RAB22A: variants seen among roughly 807,000 people sequenced by gnomAD.
RAB22A encodes the protein RAB22A, member RAS oncogene family, also known as ras-related protein Rab-22A.
RAB22A carries 13 observed loss-of-function variants against 30.2 expected under a neutral mutation model. That is an observed-to-expected ratio of 0.43 (90% CI 0.28 to 0.68). The LOEUF (loss-of-function observed/expected upper bound fraction) is 0.68. Ranked by LOEUF, RAB22A falls within the 30% of genes least tolerant of loss-of-function variation. The pLI, the probability that RAB22A is intolerant of heterozygous loss-of-function variation, is 0.18. For synonymous variants in RAB22A, 89 were observed against 87.2 expected (o/e 1.02, Z -0.11); for missense variants, 177 against 246.8 (o/e 0.72, Z 1.89).
chr20:58,313,990 C>T (rs1790455369), intron 2 of RAB22A, among the ~76,000 whole-genome samples: 1 of 151,936 alleles, frequency 6.6e-6, no homozygotes. Context: ...CTTCTGTCCT[C>T]GTAGACCTTA....
intron 2 of RAB22A, among the ~76,000 whole-genome samples, chr20:58,316,815 A>G (rs1355386754): frequency 1.3e-5 from 2 of 152,002 alleles, no homozygotes; most frequent in African/African-American, 4.8e-5. Context: ...TCCTCTTTCC[A>G]TGGACCTTGG....
At position 58,324,535 on chromosome 20, in the gene RAB22A, G is replaced by A. The variant is rs553934673; in HGVS notation, c.116+13413G>A. On this transcript the variant is annotated intron_variant, in intron 2 of 6. Transcript: ENST00000244040. ...TTCTAACTTCTTGAGATAGACAGTT[G>A]TCACTGATTTTCAGTCCTCCTCGGT... 5.9e-5 allele frequency among the ~76,000 whole-genome samples: 9 copies of A among 152,124 alleles called. No homozygotes were observed. In the South Asian group the frequency reaches 1.7e-3, roughly 28 times the overall value.
chr20:58,340,198 C>T (rs1015937867), intron 2 of RAB22A, among the ~76,000 whole-genome samples: 3 of 152,142 alleles, frequency 2.0e-5, no homozygotes, highest in African/African-American at 4.8e-5. Flanking sequence ...TTCCAAAAAG[C>T]GATATGACTT....
intron 2 of RAB22A, among the ~76,000 whole-genome samples, chr20:58,328,435 T>C (rs1026219386): frequency 3.3e-5 from 5 of 152,172 alleles, no homozygotes; most frequent in African/African-American, 9.6e-5. Flanking sequence ...CCTCCTGTCT[T>C]GGCCTCTCAG....
At chr20:58,358,895 CAAA>C (rs1181619167) in intron 6 of RAB22A, among the ~76,000 whole-genome samples, 7 of 92,236 alleles carry the variant, frequency 7.6e-5, no homozygotes, top group Non-Finnish European at 9.1e-5. Flanking sequence ...TAGCCTGTCT[CAAA>C]AAAAAAAAAA....
At chr20:58,325,724 C>G (rs1003749587) in intron 2 of RAB22A, among the ~76,000 whole-genome samples, 11 of 152,010 alleles carry the variant, frequency 7.2e-5, no homozygotes, top group African/African-American at 2.4e-4. Flanking sequence ...GATATAAATC[C>G]TTGGAAGTCT....
At chr20:58,324,867 A>G (rs1406022518) in intron 2 of RAB22A, among the ~76,000 whole-genome samples, 5 of 105,922 alleles carry the variant, frequency 4.7e-5, no homozygotes, top group African/African-American at 1.2e-4. Context: ...CTCCGTCTCA[A>G]AAAAAAAAAA....
At chr20:58,327,437 C>T (rs923825119) in intron 2 of RAB22A, among the ~76,000 whole-genome samples, 1 of 152,210 alleles carries the variant, frequency 6.6e-6, no homozygotes, top group Non-Finnish European at 1.5e-5. Context: ...ACTCACATGG[C>T]TGTTGGCTGG....
rs1568684400 is a variant in RAB22A, at chr20:58,362,424, C to T, written c.*2721C>T. ...TATATTTCAAAGGAATTGAGACATA[C>T]TCCCATCTATAAACATGTTTGGTTT... On this transcript the variant is annotated 3_prime_UTR_variant, in exon 7 of 7. Coordinates refer to ENST00000244040, the MANE Select transcript of RAB22A (RefSeq NM_020673.3). 6.6e-6 allele frequency: 1 copy of T among 152,184 alleles called. No homozygotes were observed. The highest frequency in any genetic ancestry group is 1.5e-5 in the Non-Finnish European group (1 of 68,024). 9.4% of individuals were successfully genotyped at this position (152,184 alleles called of 1,614,324 possible).
At chr20:58,324,900 G>C (rs1002484739) in intron 2 of RAB22A, among the ~76,000 whole-genome samples, 7 of 144,202 alleles carry the variant, frequency 4.9e-5, no homozygotes, top group Non-Finnish European at 1.1e-4. Flanking sequence ...TGTACGCCAG[G>C]CCCGGTGGCT....
intron 2 of RAB22A, among the ~76,000 whole-genome samples, chr20:58,311,539 C>G (rs889259244): frequency 1.3e-5 from 2 of 152,186 alleles, no homozygotes; most frequent in African/African-American, 4.8e-5. Context: ...CTTACACATT[C>G]CTGTACTGGT....
chr20:58,314,313 C>T (rs1393202003), intron 2 of RAB22A, among the ~76,000 whole-genome samples: 2 of 152,114 alleles, frequency 1.3e-5, no homozygotes, highest in Admixed American at 6.5e-5. Flanking sequence ...AATCTGCCTG[C>T]CTTGGCCTCC....
chr20:58,362,765 A>G lies in RAB22A; in HGVS notation c.*3062A>G, dbSNP rs1987247698. 6.6e-6 allele frequency: 1 copy of G among 152,238 alleles called. No individual in the cohort carries two copies. Among genetic ancestry groups the G allele is most frequent in the Admixed American group, 6.5e-5 (1 of 15,284 alleles). 9.4% of individuals were successfully genotyped at this position (152,238 alleles called of 1,614,324 possible). A position where few individuals can be genotyped will look rare whatever the true frequency, so the allele number is the denominator to read the frequency against. On this transcript the variant is annotated 3_prime_UTR_variant, in exon 7 of 7. Coordinates refer to ENST00000244040, the MANE Select transcript of RAB22A (RefSeq NM_020673.3). ...AGGTGAAAGATTTAGTTCTTTTCAA[A>G]GTAACTTATTTTCTTGTGACCCGTT...
chr20:58,327,954 C>G lies in RAB22A; in HGVS notation c.117-15764C>G, dbSNP rs1275942756. 2.0e-5 allele frequency among the ~76,000 whole-genome samples: 3 copies of G among 152,162 alleles called. No homozygotes were observed. In the East Asian group the frequency reaches 5.8e-4, roughly 29 times the overall value. On this transcript the variant is annotated intron_variant, in intron 2 of 6. Coordinates refer to ENST00000244040, the MANE Select transcript of RAB22A (RefSeq NM_020673.3). ...TGTGCTTTTGAACTAGATGTTTTGCCAAAGGGATATTATCAGGACAATTGG... is the reference window on the plus strand; with the variant it reads ...TGTGCTTTTGAACTAGATGTTTTGCGAAAGGGATATTATCAGGACAATTGG...
chr20:58,337,470 G>T (rs1986777428), intron 2 of RAB22A, among the ~76,000 whole-genome samples: 1 of 152,146 alleles, frequency 6.6e-6, no homozygotes, highest in Non-Finnish European at 1.5e-5. Flanking sequence ...CTGTTCACAG[G>T]TTCTGAGGTT....
At position 58,353,363 on chromosome 20, in the gene RAB22A, C is replaced by T. The variant is rs750213820; in HGVS notation, c.270+19C>T. The T allele has an allele frequency of 1.2e-6, 2 of 1,611,644 alleles. No individual in the cohort carries two copies. Among genetic ancestry groups the T allele is most frequent in the African/African-American group, 2.7e-5 (2 of 74,820 alleles). On this transcript the variant is annotated intron_variant, in intron 4 of 6. Coordinates refer to ENST00000244040, the MANE Select transcript of RAB22A (RefSeq NM_020673.3). ...AAAAGAAGTAAGACTATATAGTTTT[C>T]TTTAGATTGTTTTGAAAACTCTTTT... is the stretch of plus-strand genomic sequence containing the variant.
At chr20:58,324,304 G>C (rs1186679556) in intron 2 of RAB22A, among the ~76,000 whole-genome samples, 1 of 108,204 alleles carries the variant, frequency 9.2e-6, no homozygotes, top group South Asian at 3.9e-4. Flanking sequence ...AATACATTGG[G>C]GTTTTTTTTT....
intron 2 of RAB22A, among the ~76,000 whole-genome samples, chr20:58,341,700 A>T (rs2122957468): frequency 6.6e-6 from 1 of 152,238 alleles, no homozygotes; most frequent in East Asian, 1.9e-4. Flanking sequence ...CTTTTATCTG[A>T]CTCAATAATA....
chr20:58,322,788 A>G (rs1010172702), intron 2 of RAB22A, among the ~76,000 whole-genome samples: 7 of 151,406 alleles, frequency 4.6e-5, no homozygotes, highest in African/African-American at 1.7e-4. Flanking sequence ...CAACACACTT[A>G]TTTTTTTTGC....
Sources: gnomAD v4.1 joint callset for allele counts (sites outside exome capture counted in the v4.1 genomes callset) on GRCh38, gnomAD v4.1.1 for gene constraint, MANE v1.5 for transcripts, NCBI Gene and HGNC (gene_info 2026-07-23, HGNC 2026-07-21) for gene names.